EFCAB5: variants seen among roughly 807,000 people sequenced by gnomAD.
EFCAB5 encodes the protein EF-hand calcium binding domain 5, also known as EF-hand calcium-binding domain-containing protein 5.
In EFCAB5, 131 loss-of-function variants were observed where a neutral mutation model predicts 167.9. That is an observed-to-expected ratio of 0.78 (90% CI 0.68 to 0.90). The LOEUF is 0.90. Among genes scored for constraint, EFCAB5 ranks in the 40% least tolerant of loss-of-function variants. EFCAB5 has a pLI of 0.00. For synonymous variants in EFCAB5, 574 were observed against 602.8 expected (o/e 0.95, Z 0.70); for missense variants, 1,663 against 1,745.2 (o/e 0.95, Z 0.84).
At chr17:30,020,431 C>A (rs111974503) in intron 7 of EFCAB5, among the ~76,000 whole-genome samples, 1 of 144,938 alleles carries the variant, frequency 6.9e-6, no homozygotes, top group Non-Finnish European at 1.5e-5. Context: ...ATGGCATGAT[C>A]TCGATTCACT....
intron 1 of EFCAB5, among the ~76,000 whole-genome samples, chr17:29,931,915 T>C (rs1429193294): frequency 6.6e-6 from 1 of 152,200 alleles, no homozygotes; most frequent in Non-Finnish European, 1.5e-5. Flanking sequence ...GAAATTCTTT[T>C]GGAAGATGAA....
At chr17:29,956,828 G>A (rs1210217841) in intron 3 of EFCAB5, among the ~76,000 whole-genome samples, 1 of 152,144 alleles carries the variant, frequency 6.6e-6, no homozygotes, top group African/African-American at 2.4e-5. Flanking sequence ...AGGAAAGCGG[G>A]GAGGGAGGGA....
At chr17:29,996,384 AT>A (rs1348757285) in intron 6 of EFCAB5, 24 bp downstream of exon 6, 1 of 1,508,064 alleles carries the variant, frequency 6.6e-7, no homozygotes, top group African/African-American at 1.4e-5. Flanking sequence ...TTACTCTGAT[AT>A]TTTTATTTTT....
intron 6 of EFCAB5, among the ~76,000 whole-genome samples, chr17:29,999,573 TTTTG>T (rs1251158702): frequency 6.6e-6 from 1 of 152,154 alleles, no homozygotes; most frequent in Non-Finnish European, 1.5e-5. Context: ...TGCAGAAGTG[TTTTG>T]TTTAAGGACC....
chr17:29,976,433 C>G (rs533111463), intron 4 of EFCAB5, among the ~76,000 whole-genome samples: 119 of 152,244 alleles, frequency 7.8e-4, no homozygotes, highest in African/African-American at 2.8e-3. Flanking sequence ...TCATCTTTTT[C>G]TGGCAGAAAT....
At chr17:29,953,062 T>C (rs2067544496) in intron 3 of EFCAB5, among the ~76,000 whole-genome samples, 1 of 152,040 alleles carries the variant, frequency 6.6e-6, no homozygotes, top group South Asian at 2.1e-4. Flanking sequence ...GAGAAATAAA[T>C]AAGGGGCACC....
At position 30,053,571 on chromosome 17, in the gene EFCAB5, C is replaced by T; in HGVS notation, c.1617C>T (p.Tyr539=). 2.5e-6 allele frequency: 4 copies of T among 1,613,908 alleles called. No homozygotes were observed. The highest frequency in any genetic ancestry group is 2.5e-6 in the Non-Finnish European group (3 of 1,179,878). The change falls in exon 10 of 23, where the codon TAC becomes TAT. Residue 539 remains tyrosine, a synonymous_variant. Transcript: ENST00000394835. ...GKKPTAEQEL[Y]IESVIEPGTH... is the part of the protein sequence containing the mutation. ...AGCCAACTGCAGAGCAAGAACTGTA[C>T]ATAGAATCAGTAATAGAACCAGGAA...
In EFCAB5 at chr17:30,054,137, A is replaced by T. The variant is rs761925985; in HGVS notation, c.2183A>T (p.Asp728Val). 8 of 1,548,420 alleles carry T rather than the reference A, an allele frequency of 5.2e-6. No individual in the cohort carries two copies. Among genetic ancestry groups the T allele is most frequent in the Middle Eastern group, 1.7e-4 (1 of 5,888 alleles). Residue 728 changes from aspartate (D) to valine (V), a missense_variant, in exon 10 of 23, where the codon GAT becomes GTT. Transcript: ENST00000394835. The stretch of plus-strand genomic sequence containing the variant: ...GAAGTTCCAACCTTAAGCAGAAAAG[A>T]TCACTTTCCAGGTAGTAATGCAGTT... ...QEEVPTLSRK[D>V]HFPETTKKEV...
chr17:30,049,306 C>T (rs1200971499), intron 8 of EFCAB5, among the ~76,000 whole-genome samples: 2 of 151,882 alleles, frequency 1.3e-5, no homozygotes, highest in Admixed American at 1.3e-4. Flanking sequence ...ATGGTGAAAC[C>T]CTGTCTCTAC....
chr17:30,015,501 G>A (rs2069012911), intron 7 of EFCAB5, among the ~76,000 whole-genome samples: 1 of 152,144 alleles, frequency 6.6e-6, no homozygotes, highest in Non-Finnish European at 1.5e-5. Flanking sequence ...TTAATGAAAT[G>A]AAGCGAGAAG....
chr17:30,008,350 T>G (rs1042227696), intron 7 of EFCAB5, among the ~76,000 whole-genome samples: 2 of 152,204 alleles, frequency 1.3e-5, no homozygotes, highest in African/African-American at 4.8e-5. Context: ...CCCAGCACTT[T>G]GGGAGGCCGA....
Position 29,968,728 on chromosome 17 carries a change from A to G in EFCAB5, c.191-63A>G, listed in dbSNP as rs1012725968. 2.4e-5 allele frequency: 32 copies of G among 1,316,570 alleles called. No homozygotes were observed. In the East Asian group the frequency reaches 6.8e-4, roughly 28 times the overall value. The allele number at this position is 1,316,570 out of a possible 1,614,324, so 81.6% of individuals were successfully genotyped here. Reference sequence around the variant, plus strand: ...TAAAAATTTTTTCAAATATTATTCTAAAGTCACATAGATTAAAATTTACTT... The same window carrying G: ...TAAAAATTTTTTCAAATATTATTCTGAAGTCACATAGATTAAAATTTACTT... On this transcript the variant is annotated intron_variant, in intron 3 of 22. Coordinates refer to ENST00000394835, the MANE Select transcript of EFCAB5 (RefSeq NM_198529.4).
intron 7 of EFCAB5, 77 bp from the exon 8 acceptor site, chr17:30,034,153 T>C (rs2069553813): frequency 6.6e-7 from 1 of 1,515,550 alleles, no homozygotes; most frequent in African/African-American, 1.4e-5. Context: ...TTCATGCACA[T>C]TGGTTGAATC....
chr17:30,107,714 C>A, intron 22 of EFCAB5, 120 bp from the exon 23 acceptor site: 1 of 835,934 alleles, frequency 1.2e-6, no homozygotes, highest in Non-Finnish European at 1.7e-6. Context: ...ACACAAGATT[C>A]TGCTTGGTTT....
At chr17:30,022,266 G>T (rs1286042739) in intron 7 of EFCAB5, among the ~76,000 whole-genome samples, 1 of 152,100 alleles carries the variant, frequency 6.6e-6, no homozygotes, top group Non-Finnish European at 1.5e-5. Flanking sequence ...ATTGTTGTAT[G>T]GGAGTGTGTC....
At chr17:29,964,769 C>T (rs1471663325) in intron 3 of EFCAB5, among the ~76,000 whole-genome samples, 1 of 150,520 alleles carries the variant, frequency 6.6e-6, no homozygotes, top group Non-Finnish European at 1.5e-5. Context: ...AATTGTTTTT[C>T]TCTACTATTT....
At chr17:30,044,154 C>T (rs917540848) in intron 8 of EFCAB5, among the ~76,000 whole-genome samples, 4 of 152,016 alleles carry the variant, frequency 2.6e-5, no homozygotes, top group African/African-American at 7.2e-5. Flanking sequence ...ATAAGCACAT[C>T]GAAATAGGTT....
chr17:30,016,348 T>A (rs1159160249), intron 7 of EFCAB5, among the ~76,000 whole-genome samples: 1 of 152,202 alleles, frequency 6.6e-6, no homozygotes, highest in Non-Finnish European at 1.5e-5. Context: ...TCCTGTGTTT[T>A]CTTCTGAGAG....
intron 7 of EFCAB5, among the ~76,000 whole-genome samples, chr17:30,027,033 C>T (rs1047982852): frequency 1.8e-5 from 2 of 111,428 alleles, no homozygotes; most frequent in Non-Finnish European, 3.3e-5. Flanking sequence ...GTCGCCCAGG[C>T]TGGAGTGCAG....
Sources: gnomAD v4.1 joint callset for allele counts (sites outside exome capture counted in the v4.1 genomes callset) on GRCh38, gnomAD v4.1.1 for gene constraint, MANE v1.5 for transcripts, NCBI Gene and HGNC (gene_info 2026-07-23, HGNC 2026-07-21) for gene names.